The following SLC1A7 variants were observed in gnomAD, a reference collection of about 807,000 sequenced individuals.
SLC1A7 encodes the protein excitatory amino acid transporter 5.
Under a neutral mutation model 47.7 loss-of-function variants are expected in SLC1A7, and 40 were observed. That is an observed-to-expected ratio of 0.84 (90% CI 0.65 to 1.09). The LOEUF (loss-of-function observed/expected upper bound fraction) is 1.09. SLC1A7 is among the 50% of genes least tolerant of loss of function. The probability of loss-of-function intolerance (pLI) is 0.00; values close to 1 mark genes in which losing one functional copy is unlikely to be tolerated. For synonymous variants in SLC1A7, 323 were observed against 325.6 expected (o/e 0.99, Z 0.09); for missense variants, 746 against 769.5 (o/e 0.97, Z 0.36).
intron 2 of SLC1A7, among the ~76,000 whole-genome samples, chr1:53,121,653 C>T (rs1644826592): frequency 6.6e-6 from 1 of 152,204 alleles, no homozygotes; most frequent in African/African-American, 2.4e-5. Context: ...CAAGCAGACC[C>T]CAGCAGTCAA....
intron 3 of SLC1A7, among the ~76,000 whole-genome samples, chr1:53,111,270 C>T (rs753449700): frequency 6.6e-6 from 1 of 152,024 alleles, no homozygotes; most frequent in Non-Finnish European, 1.5e-5. Flanking sequence ...GCAATGACAC[C>T]CAGACAGGAA....
intron 2 of SLC1A7, among the ~76,000 whole-genome samples, chr1:53,129,481 T>C (rs879337947): frequency 1.4e-3 from 199 of 140,372 alleles, no homozygotes; most frequent in Middle Eastern, 4.0e-3. Flanking sequence ...CCACCACTGG[T>C]CAAGCGTGGG....
rs758655733 is a variant in SLC1A7, at chr1:53,088,214, C to T, written c.1478G>A (p.Cys493Tyr). Reference protein sequence around the residue: ...RDTGTEKLLPCETKPVSLQEI... With the variant: ...RDTGTEKLLPYETKPVSLQEI... Reference sequence around the variant, plus strand: ...CTGGAGGCTCACTGGCTTGGTCTCGCAGGGCAGCAGTTTCTGGTGAAGGGA... The same window carrying T: ...CTGGAGGCTCACTGGCTTGGTCTCGTAGGGCAGCAGTTTCTGGTGAAGGGA... Residue 493 changes from cysteine to tyrosine, a missense_variant, in exon 11 of 11, where the codon TGC becomes TAC. Cys to Tyr is a radical substitution (Grantham distance 194, BLOSUM62 -2). Coordinates refer to ENST00000371494, the MANE Select transcript of SLC1A7 (RefSeq NM_006671.6). 1 of 1,607,998 alleles carries T rather than the reference C, an allele frequency of 6.2e-7. No homozygotes were observed. The highest frequency in any genetic ancestry group is 2.2e-5 in the East Asian group (1 of 44,672).
At position 53,114,679 on chromosome 1, in the gene SLC1A7, C is replaced by G. The variant is rs1041302687; in HGVS notation, c.431+79G>C. ...CCGTGATCACCCCCATCTCCACACC[C>G]CGTCCTGGCCTCTGGGGGACCTGGC... is the stretch of plus-strand genomic sequence containing the variant. On this transcript the variant is annotated intron_variant, in intron 3 of 10. Transcript: ENST00000371494. 4.0e-6 allele frequency: 5 copies of G among 1,255,128 alleles called. No individual in the cohort carries two copies. In the African/African-American group the frequency reaches 7.4e-5, roughly 18 times the overall value. 77.7% of individuals were successfully genotyped at this position (1,255,128 alleles called of 1,614,324 possible). A position where few individuals can be genotyped will look rare whatever the true frequency, so the allele number is the denominator to read the frequency against.
intron 2 of SLC1A7, among the ~76,000 whole-genome samples, chr1:53,125,092 G>C (rs1031994495): frequency 5.3e-5 from 8 of 152,176 alleles, no homozygotes; most frequent in African/African-American, 1.9e-4. Context: ...TCTAAATAAA[G>C]ATATAATTGG....
chr1:53,112,625 T>A (rs1286528738), intron 3 of SLC1A7, among the ~76,000 whole-genome samples: 4 of 152,164 alleles, frequency 2.6e-5, no homozygotes, highest in Non-Finnish European at 5.9e-5. Flanking sequence ...GGCTTGAGTC[T>A]CTTAGAATTT....
At chr1:53,093,275 G>C (rs1376766273) in intron 6 of SLC1A7, among the ~76,000 whole-genome samples, 186 bp downstream of exon 6, 1 of 152,150 alleles carries the variant, frequency 6.6e-6, no homozygotes, top group Non-Finnish European at 1.5e-5. Flanking sequence ...GCAGGCCCAG[G>C]GCCGGAGCCA....
intron 2 of SLC1A7, among the ~76,000 whole-genome samples, chr1:53,127,134 T>C (rs1644891684): frequency 6.7e-6 from 1 of 148,600 alleles, no homozygotes; most frequent in African/African-American, 2.5e-5. Flanking sequence ...AAAGTTCAGC[T>C]CCTAACTGTC....
intron 1 of SLC1A7, among the ~76,000 whole-genome samples, chr1:53,135,048 G>A (rs558581229): frequency 1.3e-5 from 2 of 152,130 alleles, no homozygotes; most frequent in South Asian, 4.2e-4. Flanking sequence ...GGTCATTGGG[G>A]GGCTTAAACG....
chr1:53,126,083 C>T lies in SLC1A7; in HGVS notation c.215+8267G>A, dbSNP rs548910292. ...GTGTAAGTTCATTCAAGACAGTTTC[C>T]CTTCCAGCCTTGGAGTGGGTTGCTG... On this transcript the variant is annotated intron_variant, in intron 2 of 10. Transcript: ENST00000371494. Among the ~76,000 whole-genome samples the T allele has an allele frequency of 2.0e-5, 3 of 152,334 alleles. No individual in the cohort carries two copies. In the South Asian group the frequency reaches 6.2e-4, roughly 32 times the overall value.
At chr1:53,130,107 A>G (rs946592) in intron 2 of SLC1A7, among the ~76,000 whole-genome samples, 27 of 152,148 alleles carry the variant, frequency 1.8e-4, no homozygotes, top group Non-Finnish European at 3.1e-4. Flanking sequence ...AGCTAACGAC[A>G]CTCAGCTCAT....
intron 3 of SLC1A7, among the ~76,000 whole-genome samples, chr1:53,110,303 T>A (rs1644688774): frequency 6.6e-6 from 1 of 152,074 alleles, no homozygotes; most frequent in Admixed American, 6.5e-5. Flanking sequence ...AGGCCACAGG[T>A]CTCCTAGGTT....
chr1:53,131,737 G>A (rs1644943698), intron 2 of SLC1A7, among the ~76,000 whole-genome samples: 1 of 152,244 alleles, frequency 6.6e-6, no homozygotes, highest in Non-Finnish European at 1.5e-5. Context: ...ACTTGGCTAG[G>A]TGCTGACAAC....
chr1:53,114,448 A>G (rs913673125), intron 3 of SLC1A7: 42 of 404,106 alleles, frequency 1.0e-4, no homozygotes, highest in African/African-American at 8.1e-4. Flanking sequence ...CCAATAAACA[A>G]AGGGAGGGGC....
intron 2 of SLC1A7, among the ~76,000 whole-genome samples, chr1:53,116,687 AC>A (rs937820157): frequency 6.6e-6 from 1 of 150,850 alleles, no homozygotes; most frequent in African/African-American, 2.4e-5. Context: ...CCATGACAGA[AC>A]CCCCCGCAGT....
At chr1:53,122,348 T>C (rs1644835291) in intron 2 of SLC1A7, among the ~76,000 whole-genome samples, 1 of 152,192 alleles carries the variant, frequency 6.6e-6, no homozygotes, top group Non-Finnish European at 1.5e-5. Flanking sequence ...TGGCCTTGGC[T>C]GACCTAGCCA....
Position 53,103,509 on chromosome 1 carries a change from A to T in SLC1A7, c.534T>A (p.Pro178=). Reference sequence around the variant, plus strand: ...CCCCGTAGATGAGGATCCGCCGAGGAGGGGCCTCCTCTGGTGCCACCTTGG... The same window carrying T: ...CCCCGTAGATGAGGATCCGCCGAGGTGGGGCCTCCTCTGGTGCCACCTTGG... ...KSPKVAPEEA[P]PRRILIYGVQ... Residue 178 remains proline, a synonymous_variant, in exon 5 of 11, where the codon CCT becomes CCA. Coordinates refer to ENST00000371494, the MANE Select transcript of SLC1A7 (RefSeq NM_006671.6). The T allele has an allele frequency of 6.2e-7, 1 of 1,612,626 alleles. No individual in the cohort carries two copies. Among genetic ancestry groups the T allele is most frequent in the Non-Finnish European group, 8.5e-7 (1 of 1,179,302 alleles).
intron 1 of SLC1A7, among the ~76,000 whole-genome samples, chr1:53,135,917 G>A (rs1355319399): frequency 6.6e-6 from 1 of 151,782 alleles, no homozygotes; most frequent in Non-Finnish European, 1.5e-5. Flanking sequence ...ATACTCGGTT[G>A]ATGATCTGAT....
chr1:53,125,158 A>G (rs1243121977), intron 2 of SLC1A7, among the ~76,000 whole-genome samples: 1 of 152,140 alleles, frequency 6.6e-6, no homozygotes, highest in African/African-American at 2.4e-5. Context: ...GGGCAAAACC[A>G]TGGGAGGGGG....
Sources: allele counts gnomAD v4.1 joint callset (sites outside exome capture counted in the v4.1 genomes callset), GRCh38; gene constraint gnomAD v4.1.1; transcripts MANE v1.5; gene names NCBI Gene and HGNC (gene_info 2026-07-23, HGNC 2026-07-21).